OSBPL8: variants seen among roughly 807,000 people sequenced by gnomAD.
OSBPL8 encodes oxysterol binding protein like 8, also known as oxysterol-binding protein-related protein 8.
OSBPL8 carries 59 observed loss-of-function variants against 125.5 expected under a neutral mutation model. The ratio of observed to expected loss-of-function variants is 0.47; its 90% CI spans 0.38 to 0.58. The LOEUF (loss-of-function observed/expected upper bound fraction) is 0.58. Among genes scored for constraint, OSBPL8 ranks in the 20% least tolerant of loss-of-function variants. The probability of loss-of-function intolerance (pLI) is 0.00; values close to 1 mark genes in which losing one functional copy is unlikely to be tolerated. For synonymous variants in OSBPL8, 330 were observed against 338.9 expected (o/e 0.97, Z 0.29); for missense variants, 758 against 1,047.8 (o/e 0.72, Z 3.82).
intron 2 of OSBPL8, among the ~76,000 whole-genome samples, chr12:76,472,907 TAG>T (rs1322075432): frequency 6.6e-6 from 1 of 151,324 alleles, no homozygotes; most frequent in African/African-American, 2.4e-5. Flanking sequence ...GGTGGAGGAG[TAG>T]AGTCTTCTCT....
At chr12:76,486,203 G>A in intron 2 of OSBPL8, 1 of 284,704 alleles carries the variant, frequency 3.5e-6, no homozygotes, top group Non-Finnish European at 7.1e-6. Context: ...CTGGGACCAA[G>A]TTAATATTAG....
At chr12:76,543,674 G>A (rs1381161532) in intron 1 of OSBPL8, among the ~76,000 whole-genome samples, 1 of 152,058 alleles carries the variant, frequency 6.6e-6, no homozygotes, top group African/African-American at 2.4e-5. Flanking sequence ...ATCAAAGAGT[G>A]CACTCCAATG....
chr12:76,434,597 G>A (rs1350638749), intron 4 of OSBPL8, among the ~76,000 whole-genome samples: 1 of 152,018 alleles, frequency 6.6e-6, no homozygotes, highest in African/African-American at 2.4e-5. Flanking sequence ...TACAAACCAT[G>A]TATCTAATAT....
chr12:76,393,389 T>C (rs975588763), intron 9 of OSBPL8, among the ~76,000 whole-genome samples: 3 of 152,150 alleles, frequency 2.0e-5, no homozygotes, highest in Admixed American at 1.3e-4. Flanking sequence ...CATCTTCATA[T>C]TGAAAGCTCA....
At chr12:76,356,086 A>G (rs764646294) in intron 23 of OSBPL8, 65 bp from the exon 24 acceptor site, 72 of 1,178,534 alleles carry the variant, frequency 6.1e-5, no homozygotes, top group Non-Finnish European at 7.5e-5. Context: ...AGAGCCCACA[A>G]TTTGATATTA....
chr12:76,454,412 G>A (rs116908526), intron 3 of OSBPL8, among the ~76,000 whole-genome samples: 2 of 152,316 alleles, frequency 1.3e-5, no homozygotes, highest in Non-Finnish European at 2.9e-5. Context: ...ATTACAGCCA[G>A]GCACAACGGC....
At chr12:76,505,833 A>G (rs1880358800) in intron 1 of OSBPL8, among the ~76,000 whole-genome samples, 1 of 152,208 alleles carries the variant, frequency 6.6e-6, no homozygotes, top group African/African-American at 2.4e-5. Context: ...TAAGCTGCAA[A>G]TCACGGAGAC....
chr12:76,394,773 T>C (rs781248216), intron 8 of OSBPL8, 44 bp from the exon 9 acceptor site: 15 of 1,369,016 alleles, frequency 1.1e-5, no homozygotes, highest in South Asian at 2.5e-5. Flanking sequence ...GAGTAATTAT[T>C]ATGAGATCTC....
intron 3 of OSBPL8, among the ~76,000 whole-genome samples, chr12:76,454,956 C>T (rs1227621533): frequency 4.6e-5 from 7 of 151,942 alleles, no homozygotes; most frequent in Admixed American, 1.3e-4. Flanking sequence ...CAGCAGAGGC[C>T]GGGCGCGGTG....
intron 2 of OSBPL8, among the ~76,000 whole-genome samples, chr12:76,469,379 T>C (rs544686264): frequency 6.6e-6 from 1 of 152,144 alleles, no homozygotes; most frequent in Non-Finnish European, 1.5e-5. Context: ...AGATATTCCA[T>C]CTGTCTTGTC....
rs60714321 is a variant in OSBPL8, at chr12:76,358,175, CTTTTTTTTTTTT to C, written c.2434+519_2434+530del. On this transcript the variant is annotated intron_variant, in intron 22 of 23. Transcript: ENST00000261183. ...AGGTAGCTACTACTAGAGTGTGGTT[CTTTTTTTTTTTT>C]TTTTTTTTTTGAGACAGGGTCTCAC... is the stretch of plus-strand genomic sequence containing the variant. Among the ~76,000 whole-genome samples the C allele has an allele frequency of 4.0e-5, 4 of 100,192 alleles. No homozygotes were observed. The Admixed American group carries it at 4.8e-4, about 12-fold the overall frequency. The allele number at this position is 100,192 out of a possible 152,430, so 65.7% of individuals were successfully genotyped here. A position where few individuals can be genotyped will look rare whatever the true frequency, so the allele number is the denominator to read the frequency against.
At chr12:76,372,698 A>G (rs1952666328) in intron 18 of OSBPL8, among the ~76,000 whole-genome samples, 1 of 152,184 alleles carries the variant, frequency 6.6e-6, no homozygotes, top group South Asian at 2.1e-4. Context: ...ATGCAGTACC[A>G]TGATTCTTTT....
intron 18 of OSBPL8, chr12:76,371,804 T>C (rs1398962938): frequency 2.3e-5 from 8 of 343,122 alleles, no homozygotes; most frequent in South Asian, 1.1e-4. Flanking sequence ...TAAAAAGAAT[T>C]TGGTTGAATA....
At chr12:76,505,581 AT>A (rs1305711084) in intron 1 of OSBPL8, among the ~76,000 whole-genome samples, 1 of 152,124 alleles carries the variant, frequency 6.6e-6, no homozygotes, top group Non-Finnish European at 1.5e-5. Flanking sequence ...AAAAGGTAAA[AT>A]TTTAGATAGG....
intron 6 of OSBPL8, among the ~76,000 whole-genome samples, chr12:76,400,866 A>G (rs1954025024): frequency 6.7e-6 from 1 of 149,696 alleles, no homozygotes; most frequent in African/African-American, 2.5e-5. Context: ...TCAGCTCACT[A>G]CAACCTCCGC....
chr12:76,382,884 GAA>G (rs778617832), intron 15 of OSBPL8, among the ~76,000 whole-genome samples: 8 of 152,144 alleles, frequency 5.3e-5, no homozygotes, highest in Non-Finnish European at 1.0e-4. Flanking sequence ...ATATAGAATA[GAA>G]AATTTTGCTA....
At chr12:76,529,028 T>C (rs1445504692) in intron 1 of OSBPL8, among the ~76,000 whole-genome samples, 1 of 152,124 alleles carries the variant, frequency 6.6e-6, no homozygotes, top group East Asian at 1.9e-4. Flanking sequence ...AGTATGAAGT[T>C]ATTATGTCAC....
chr12:76,500,690 A>G (rs139525034), intron 1 of OSBPL8, among the ~76,000 whole-genome samples: 1 of 152,284 alleles, frequency 6.6e-6, no homozygotes, highest in African/African-American at 2.4e-5. Flanking sequence ...CAAGGACTAC[A>G]TGCTGAAGAA....
At chr12:76,449,730 C>T (rs1188359571) in intron 4 of OSBPL8, among the ~76,000 whole-genome samples, 1 of 152,126 alleles carries the variant, frequency 6.6e-6, no homozygotes, top group East Asian at 1.9e-4. Flanking sequence ...AATGTGTCAA[C>T]ACTTGGAAGA....
Sources: gnomAD v4.1 joint callset for allele counts (sites outside exome capture counted in the v4.1 genomes callset) on GRCh38, gnomAD v4.1.1 for gene constraint, MANE v1.5 for transcripts, NCBI Gene and HGNC (gene_info 2026-07-23, HGNC 2026-07-21) for gene names.